The following LMLN variants were observed in gnomAD, a reference collection of about 807,000 sequenced individuals.
LMLN encodes the protein leishmanolysin like peptidase, also known as leishmanolysin-like peptidase.
A neutral mutation model predicts 92.3 loss-of-function variants in LMLN; 70 were observed. That is an observed-to-expected ratio of 0.76 (90% CI 0.63 to 0.92). The LOEUF (loss-of-function observed/expected upper bound fraction) is 0.92. Ranked by LOEUF, LMLN falls within the 40% of genes least tolerant of loss-of-function variation. The probability of loss-of-function intolerance (pLI) is 0.00; values close to 1 mark genes in which losing one functional copy is unlikely to be tolerated. For missense variants in LMLN, 691 were observed against 814.6 expected, an observed-to-expected ratio of 0.85 and a Z score of 1.85; for synonymous variants, 308 against 296.2, an observed-to-expected ratio of 1.04 and a Z score of -0.41.
chr3:198,006,141 A>G (rs976615289), intron 11 of LMLN, among the ~76,000 whole-genome samples: 1 of 152,152 alleles, frequency 6.6e-6, no homozygotes, highest in Non-Finnish European at 1.5e-5. Flanking sequence ...AACAGCAACA[A>G]CAAAAATGTT....
intron 2 of LMLN, 28 bp from the exon 3 acceptor site, chr3:197,975,014 C>A (rs201957915): frequency 1.3e-5 from 18 of 1,428,444 alleles, no homozygotes; most frequent in Non-Finnish European, 1.6e-5. Flanking sequence ...GAGAGATAAT[C>A]CTTATGTTTT....
At chr3:197,979,240 G>GT (rs565099913) in intron 5 of LMLN, among the ~76,000 whole-genome samples, 4 of 151,708 alleles carry the variant, frequency 2.6e-5, no homozygotes, top group East Asian at 1.9e-4. Flanking sequence ...ATGAGAATTT[G>GT]TTTTTTTTCC....
At position 197,976,004 on chromosome 3, in the gene LMLN, CTTTTT is replaced by C; in HGVS notation, c.349-18_349-14del. The C allele has an allele frequency of 9.2e-7, 1 of 1,084,334 alleles. No individual in the cohort carries two copies. Among genetic ancestry groups the C allele is most frequent in the Non-Finnish European group, 1.3e-6 (1 of 771,070 alleles). 67.2% of individuals were successfully genotyped at this position (1,084,334 alleles called of 1,614,324 possible). A position where few individuals can be genotyped will look rare whatever the true frequency, so the allele number is the denominator to read the frequency against. ...TTATCTCTTCCTTATAATTCTGTTT[CTTTTT>C]TTTTTTAACTTTTATTTAGAACAAG... On this transcript the variant is annotated intron_variant, in intron 3 of 15. Coordinates refer to ENST00000330198, the Ensembl canonical transcript of LMLN.
At chr3:197,999,513 T>C in intron 11 of LMLN, 171 bp downstream of exon 11, 1 of 598,394 alleles carries the variant, frequency 1.7e-6, no homozygotes, top group Non-Finnish European at 3.0e-6. Flanking sequence ...ATTCATTCAT[T>C]CGTTCATTCA....
intron 13 of LMLN, among the ~76,000 whole-genome samples, chr3:198,021,886 GCA>G (rs1177952797): frequency 1.3e-5 from 2 of 152,274 alleles, no homozygotes; most frequent in East Asian, 1.9e-4. Flanking sequence ...GCGTATGCAT[GCA>G]CACACGCTAT....
intron 14 of LMLN, among the ~76,000 whole-genome samples, chr3:198,026,639 A>T (rs915423638): frequency 6.6e-6 from 1 of 152,204 alleles, no homozygotes; most frequent in South Asian, 2.1e-4. Context: ...AAGATATTCT[A>T]AGCTCACTTT....
chr3:198,011,357 A>G (rs1174477944), intron 11 of LMLN, among the ~76,000 whole-genome samples: 3 of 152,020 alleles, frequency 2.0e-5, no homozygotes, highest in South Asian at 2.1e-4. Flanking sequence ...CCCACCTATG[A>G]GTGAGAACAT....
At position 198,024,804 on chromosome 3, in the gene LMLN, T is replaced by C. The variant is rs371654240; in HGVS notation, c.1656+16T>C. 7 of 1,583,600 alleles carry C rather than the reference T, an allele frequency of 4.4e-6. No homozygotes were observed. Among genetic ancestry groups the C allele is most frequent in the African/African-American group, 2.7e-5 (2 of 73,298 alleles). Reference sequence around the variant, plus strand: ...ATGCTATCAGGTAAGCTTATGTTTGTTATTAGTTGTGCCAAATATTATGTG... The same window carrying C: ...ATGCTATCAGGTAAGCTTATGTTTGCTATTAGTTGTGCCAAATATTATGTG... On this transcript the variant is annotated intron_variant, in intron 14 of 15. Coordinates refer to ENST00000330198, the Ensembl canonical transcript of LMLN.
At chr3:197,978,816 C>T (rs1188307553) in intron 5 of LMLN, among the ~76,000 whole-genome samples, 5 of 151,974 alleles carry the variant, frequency 3.3e-5, no homozygotes, top group Admixed American at 1.3e-4. Flanking sequence ...CACGGTGAAA[C>T]CTTCTGTCTA....
chr3:198,028,683 T>A (rs1036508191), intron 14 of LMLN, among the ~76,000 whole-genome samples: 4 of 152,170 alleles, frequency 2.6e-5, no homozygotes, highest in South Asian at 4.1e-4. Flanking sequence ...ATTAAATAAG[T>A]CAGCAATTCA....
At chr3:198,015,610 A>G (rs1222316807) in intron 11 of LMLN, among the ~76,000 whole-genome samples, 2 of 129,314 alleles carry the variant, frequency 1.5e-5, no homozygotes, top group East Asian at 4.7e-4. Context: ...ACTTCTCTCC[A>G]CCCTTCAGAG....
intron 14 of LMLN, among the ~76,000 whole-genome samples, chr3:198,027,956 T>G (rs1722980011): frequency 6.6e-6 from 1 of 152,058 alleles, no homozygotes; most frequent in Non-Finnish European, 1.5e-5. Flanking sequence ...TGTTGAGGGG[T>G]TTTTGGTGTT....
chr3:197,987,148 A>G (rs1721732721), intron 8 of LMLN, among the ~76,000 whole-genome samples: 1 of 119,760 alleles, frequency 8.4e-6, no homozygotes, highest in Non-Finnish European at 1.7e-5. Flanking sequence ...CCTATGTTTA[A>G]TATGTTTGAA....
At chr3:198,024,864 A>T (rs951746873) in intron 14 of LMLN, 76 bp downstream of exon 15, 2 of 1,172,680 alleles carry the variant, frequency 1.7e-6, no homozygotes, top group Admixed American at 5.4e-5. Context: ...ATTTTAAATT[A>T]TATTTTCATA....
At chr3:197,960,355 G>T in exon 1 of LMLN, 17 of 1,613,942 alleles carry the variant, frequency 1.1e-5, no homozygotes, top group Non-Finnish European at 1.4e-5. Context: ...CTCCTGTTGG[G>T]CGGGCTCCGG....
At chr3:197,969,714 T>C (rs932502200) in intron 1 of LMLN, among the ~76,000 whole-genome samples, 1 of 152,228 alleles carries the variant, frequency 6.6e-6, no homozygotes, top group Non-Finnish European at 1.5e-5. Context: ...ACAATATATG[T>C]AGTGTACTTA....
At chr3:198,023,021 A>T (rs1395394619) in intron 13 of LMLN, among the ~76,000 whole-genome samples, 1 of 152,126 alleles carries the variant, frequency 6.6e-6, no homozygotes, top group South Asian at 2.1e-4. Flanking sequence ...GTTTTTTGTT[A>T]ACGGGGAAAA....
chr3:198,021,444 A>G lies in LMLN; in HGVS notation c.1366-2A>G, dbSNP rs527395788. The G allele has an allele frequency of 4.3e-6, 7 of 1,612,452 alleles. No homozygotes were observed. Among genetic ancestry groups the G allele is most frequent in the Non-Finnish European group, 5.9e-6 (7 of 1,179,428 alleles). On this transcript the variant is annotated splice_acceptor_variant, in intron 12 of 15. Coordinates refer to ENST00000330198, the Ensembl canonical transcript of LMLN. LOFTEE classifies it high-confidence loss of function. ...CTTGTCTTCCCAATATTTTTTCTGC[A>G]GTACTTTGATGAACTCAGTGGAATA...
chr3:198,038,424 C>T, intron 15 of LMLN, 143 bp from the exon 17 acceptor site: 1 of 611,126 alleles, frequency 1.6e-6, no homozygotes. Flanking sequence ...CTTTTTTATA[C>T]CTGGGTTTTG....
Sources: allele counts gnomAD v4.1 joint callset (sites outside exome capture counted in the v4.1 genomes callset), GRCh38; gene constraint gnomAD v4.1.1; transcripts MANE v1.5; gene names NCBI Gene and HGNC (gene_info 2026-07-23, HGNC 2026-07-21).